AOPEP: variants seen among roughly 807,000 people sequenced by gnomAD.
AOPEP encodes aminopeptidase O.
In AOPEP, 77 loss-of-function variants were observed where a neutral mutation model predicts 98.1. That is an observed-to-expected ratio of 0.78 (90% CI 0.65 to 0.95). The LOEUF is 0.95. Ranked by LOEUF, AOPEP falls within the 40% of genes least tolerant of loss-of-function variation. AOPEP has a pLI of 0.00. For missense variants in AOPEP, 1,024 were observed against 1,024.7 expected, an observed-to-expected ratio of 1.00 and a Z score of 0.01; for synonymous variants, 346 against 365.3, an observed-to-expected ratio of 0.95 and a Z score of 0.60.
At chr9:94,792,090 T>C (rs1170217579) in intron 3 of AOPEP, among the ~76,000 whole-genome samples, 1 of 152,238 alleles carries the variant, frequency 6.6e-6, no homozygotes. Flanking sequence ...GCTCTAATCC[T>C]GGTCCTGTTA....
the AOPEP span, among the ~76,000 whole-genome samples, chr9:95,142,861 G>A: frequency 6.6e-6 from 1 of 152,118 alleles, no homozygotes; most frequent in Non-Finnish European, 1.5e-5. Flanking sequence ...CACTCACTGT[G>A]TGGATTTTCT....
chr9:94,775,250 C>CT lies in AOPEP; in HGVS notation c.964+2091dup, dbSNP rs915827788. Among the ~76,000 whole-genome samples, 7 of 148,366 alleles carry CT rather than the reference C, an allele frequency of 4.7e-5. No individual in the cohort carries two copies. In the South Asian group the frequency reaches 6.4e-4, roughly 14 times the overall value. On this transcript the variant is annotated intron_variant, in intron 3 of 16. Coordinates refer to ENST00000375315, the MANE Select transcript of AOPEP (RefSeq NM_001193329.3). ...TTGTGAAATGAGGACTAAACATTGT[C>CT]TTTTTTTTTCAAATAGAAAACCAGT...
the AOPEP span, among the ~76,000 whole-genome samples, chr9:95,133,120 G>C: frequency 6.6e-6 from 1 of 152,228 alleles, no homozygotes; most frequent in East Asian, 1.9e-4. Context: ...TGCGATAAAT[G>C]AATCAGATGA....
intron 5 of AOPEP, among the ~76,000 whole-genome samples, chr9:94,888,348 ATAAT>A (rs891730261): frequency 3.8e-5 from 5 of 132,530 alleles, no homozygotes; most frequent in African/African-American, 1.3e-4. Flanking sequence ...TTATTTTGAA[ATAAT>A]TATAGAGTCA....
chr9:94,790,056 T>C (rs1437185966), intron 3 of AOPEP, among the ~76,000 whole-genome samples: 1 of 151,432 alleles, frequency 6.6e-6, no homozygotes, highest in African/African-American at 2.4e-5. Context: ...TTTGTATTTT[T>C]AGTAGAGACG....
chr9:95,061,280 A>G (rs1310088454), intron 14 of AOPEP, among the ~76,000 whole-genome samples: 1 of 152,268 alleles, frequency 6.6e-6, no homozygotes, highest in East Asian at 1.9e-4. Context: ...GCAATGTGAT[A>G]TAGTCCTTAA....
At chr9:94,918,284 C>G (rs2053111923) in intron 5 of AOPEP, among the ~76,000 whole-genome samples, 1 of 152,210 alleles carries the variant, frequency 6.6e-6, no homozygotes, top group Admixed American at 6.5e-5. Context: ...GTGATGCCCC[C>G]CTATGGCCTC....
chr9:94,807,400 G>T (rs1033059363), intron 5 of AOPEP, among the ~76,000 whole-genome samples: 2 of 152,138 alleles, frequency 1.3e-5, no homozygotes, highest in African/African-American at 2.4e-5. Context: ...GAACACTGCT[G>T]GGGCCATCCT....
intron 7 of AOPEP, among the ~76,000 whole-genome samples, chr9:94,941,882 C>G (rs2057050104): frequency 6.6e-6 from 1 of 152,022 alleles, no homozygotes; most frequent in Non-Finnish European, 1.5e-5. Flanking sequence ...GGTTAGTTAA[C>G]TTTGGTTAAT....
intron 1 of AOPEP, among the ~76,000 whole-genome samples, chr9:94,740,055 G>A (rs926929982): frequency 6.6e-6 from 1 of 152,122 alleles, no homozygotes; most frequent in Admixed American, 6.5e-5. Context: ...GGTGCATCAC[G>A]CCCTCATATG....
chr9:95,101,305 A>C, the AOPEP span: 2 of 328,434 alleles, frequency 6.1e-6, no homozygotes, highest in Admixed American at 4.5e-5. Context: ...AGTTCTCTCT[A>C]AATTCTTTAA....
At chr9:94,923,780 C>A (rs920997691) in intron 5 of AOPEP, among the ~76,000 whole-genome samples, 1 of 152,086 alleles carries the variant, frequency 6.6e-6, no homozygotes, top group African/African-American at 2.4e-5. Flanking sequence ...AACTGGTTGG[C>A]AGAAACGGCC....
the AOPEP span, chr9:95,100,424 T>C: frequency 4.3e-6 from 1 of 231,324 alleles, no homozygotes; most frequent in Non-Finnish European, 8.6e-6. Context: ...GGTTAACTTC[T>C]AATCCAGCAA....
chr9:94,993,902 G>C (rs1415449420), intron 11 of AOPEP, among the ~76,000 whole-genome samples: 1 of 152,158 alleles, frequency 6.6e-6, no homozygotes. Context: ...AATGGGATTC[G>C]GCTGGAGATA....
At chr9:95,084,652 T>A (rs936836238) in intron 16 of AOPEP, among the ~76,000 whole-genome samples, 5 of 152,204 alleles carry the variant, frequency 3.3e-5, no homozygotes, top group African/African-American at 1.2e-4. Flanking sequence ...CCCTCGCCAC[T>A]CTTTATGGGG....
At chr9:95,080,228 C>A (rs1028836736) in intron 14 of AOPEP, among the ~76,000 whole-genome samples, 3 of 152,230 alleles carry the variant, frequency 2.0e-5, no homozygotes, top group African/African-American at 7.2e-5. Context: ...ACTGTGGTTT[C>A]TTTCTTTAAA....
chr9:94,887,846 A>C (rs7869736), intron 5 of AOPEP, among the ~76,000 whole-genome samples: 132,086 of 152,038 alleles, frequency 0.87, 58,508 homozygotes, highest in Non-Finnish European at 0.95. Context: ...ATACAGAGAA[A>C]CTAGGGCTGC....
intron 14 of AOPEP, among the ~76,000 whole-genome samples, chr9:95,066,806 C>A (rs2067944637): frequency 6.6e-6 from 1 of 152,182 alleles, no homozygotes; most frequent in African/African-American, 2.4e-5. Context: ...AGGAAACCAG[C>A]AGCATCTCAT....
chr9:94,825,894 G>T (rs914030368), intron 5 of AOPEP, among the ~76,000 whole-genome samples: 1 of 152,080 alleles, frequency 6.6e-6, no homozygotes. Context: ...TAACCTTTAC[G>T]TTTTAAAAAG....
Sources: allele counts gnomAD v4.1 joint callset (sites outside exome capture counted in the v4.1 genomes callset), GRCh38; gene constraint gnomAD v4.1.1; transcripts MANE v1.5; gene names NCBI Gene and HGNC (gene_info 2026-07-23, HGNC 2026-07-21).